The following NPAT variants were observed in gnomAD, a reference collection of about 807,000 sequenced individuals.
NPAT encodes the protein nuclear protein, coactivator of histone transcription, also known as protein NPAT.
In NPAT, 52 loss-of-function variants were observed where a neutral mutation model predicts 130.7. The observed-to-expected ratio is 0.40, with a 90% confidence interval of 0.32 to 0.50. The LOEUF is 0.50. Among genes scored for constraint, NPAT ranks in the 20% least tolerant of loss-of-function variants. NPAT has a pLI of 0.68. For missense variants in NPAT, 1,687 were observed against 1,662.6 expected (o/e 1.01, Z -0.26); for synonymous variants, 580 against 584.8 (o/e 0.99, Z 0.12).
chr11:108,200,539 T>C (rs60358760), intron 1 of NPAT, among the ~76,000 whole-genome samples: 2,069 of 152,224 alleles, frequency 0.014, 57 homozygotes, highest in African/African-American at 0.046. Context: ...AAAGGAAAAT[T>C]GGTGCAGCCA....
intron 15 of NPAT, among the ~76,000 whole-genome samples, chr11:108,166,617 T>C (rs1470213626): frequency 6.6e-6 from 1 of 152,208 alleles, no homozygotes; most frequent in Non-Finnish European, 1.5e-5. Context: ...TGACTTCTGA[T>C]GTTAACATTA....
chr11:108,213,779 G>A (rs1377805285), intron 1 of NPAT, among the ~76,000 whole-genome samples: 1 of 152,142 alleles, frequency 6.6e-6, no homozygotes. Flanking sequence ...TAATCCAGAC[G>A]ATGTACGGGC....
chr11:108,203,696 A>C (rs991037304), intron 1 of NPAT, among the ~76,000 whole-genome samples: 6 of 152,292 alleles, frequency 3.9e-5, no homozygotes, highest in Admixed American at 3.9e-4. Flanking sequence ...CTTAATCCTG[A>C]ACCCCCAAGG....
At chr11:108,194,145 G>C in intron 2 of NPAT, 128 bp from the exon 3 acceptor site, 1 of 624,482 alleles carries the variant, frequency 1.6e-6, no homozygotes, top group Non-Finnish European at 2.9e-6. Context: ...AAAGGGTAAA[G>C]AAGCAGGTAA....
rs12285835 is a variant in NPAT, at chr11:108,166,353, C to T, written c.3010+3391G>A. On this transcript the variant is annotated intron_variant, in intron 15 of 17. Transcript: ENST00000278612. ...GTAGCAGTGAGCTGAGATCATGCCA[C>T]TGCATTCCAGTCTGAGTGACAGAGC... Among the ~76,000 whole-genome samples the T allele has an allele frequency of 7.6e-3, 1,153 of 152,200 alleles. 11 individuals carry two copies. The highest frequency in any genetic ancestry group is 0.025 in the African/African-American group (1,057 of 41,540).
chr11:108,174,148 C>T lies in NPAT; in HGVS notation c.1133-297G>A, dbSNP rs2077982454. Among the ~76,000 whole-genome samples the T allele has an allele frequency of 7.9e-5, 12 of 152,278 alleles. 1 individual carries two copies. The South Asian group carries it at 2.5e-3, about 32-fold the overall frequency. On this transcript the variant is annotated intron_variant, in intron 12 of 17. Coordinates refer to ENST00000278612, the MANE Select transcript of NPAT (RefSeq NM_002519.3). ...TTTCAATAGGTAAAAAACATACTGG[C>T]TCCAAAAATGAAGTTTATTTTGAAA...
chr11:108,206,468 C>T (rs1315223157), intron 1 of NPAT, among the ~76,000 whole-genome samples: 2 of 152,166 alleles, frequency 1.3e-5, no homozygotes, highest in East Asian at 3.9e-4. Flanking sequence ...CGGGCATATC[C>T]AGGCACTGGC....
chr11:108,184,471 C>CA (rs368848598), intron 10 of NPAT, among the ~76,000 whole-genome samples: 24,379 of 140,426 alleles, frequency 0.17, 2,237 homozygotes, highest in African/African-American at 0.24. Flanking sequence ...GACTCCATCT[C>CA]AAAAAAAAAA....
Position 108,186,505 on chromosome 11 carries a change from G to A in NPAT, c.703C>T (p.Pro235Ser). 6.2e-7 allele frequency: 1 copy of A among 1,614,018 alleles called. No homozygotes were observed. The highest frequency in any genetic ancestry group is 8.5e-7 in the Non-Finnish European group (1 of 1,179,964). ...ACTTTTTCTACTGCAAAAGCGTTTGGATCTTGGAAATTCCGTATTGTTGAA... is the reference window on the plus strand; with the variant it reads ...ACTTTTTCTACTGCAAAAGCGTTTGAATCTTGGAAATTCCGTATTGTTGAA... Reference protein sequence around the residue: ...PHSTIRNFQDPNAFAVEKQMV... With the variant: ...PHSTIRNFQDSNAFAVEKQMV... Residue 235 changes from proline (P) to serine (S), a missense_variant, in exon 8 of 18, where the codon CCA becomes TCA. By Grantham distance (74) the Pro-to-Ser change is moderately conservative. Around this residue, in one of 3 missense-constraint regions of NPAT, gnomAD observed 307 missense variants for 298.9 expected, o/e 1.03. Coordinates refer to ENST00000278612, the MANE Select transcript of NPAT (RefSeq NM_002519.3).
chr11:108,171,968 T>C, intron 13 of NPAT: 3 of 542,610 alleles, frequency 5.5e-6, no homozygotes, highest in Non-Finnish European at 9.9e-6. Flanking sequence ...TGAGAAGTAT[T>C]TGTGAAAAGA....
At chr11:108,164,208 G>C (rs149361607) in intron 15 of NPAT, among the ~76,000 whole-genome samples, 2 of 152,308 alleles carry the variant, frequency 1.3e-5, no homozygotes, top group African/African-American at 2.4e-5. Flanking sequence ...TGCAAGACTG[G>C]AATAGTTTGA....
chr11:108,169,891 A>G (rs2077934409), intron 14 of NPAT, 37 bp downstream of exon 14: 1 of 1,609,766 alleles, frequency 6.2e-7, no homozygotes, highest in Non-Finnish European at 8.5e-7. Flanking sequence ...TAAGCTTGAA[A>G]AGCATCACCA....
chr11:108,184,049 C>G (rs951142116), intron 10 of NPAT, among the ~76,000 whole-genome samples: 5 of 152,090 alleles, frequency 3.3e-5, no homozygotes, highest in African/African-American at 1.2e-4. Context: ...TCCTCCCTTA[C>G]TAGCTCACTC....
At chr11:108,165,500 T>C (rs979790395) in intron 15 of NPAT, among the ~76,000 whole-genome samples, 1 of 149,132 alleles carries the variant, frequency 6.7e-6, no homozygotes, top group Non-Finnish European at 1.5e-5. Context: ...GGTCTTGCTC[T>C]ATTGCCCAGG....
In NPAT at chr11:108,175,384, G is replaced by T. The variant is rs141844669; in HGVS notation, c.1132+862C>A. Among the ~76,000 whole-genome samples the T allele has an allele frequency of 2.8e-3, 420 of 152,288 alleles. 1 individual carries two copies. The highest frequency in any genetic ancestry group is 9.7e-3 in the African/African-American group (402 of 41,564). On this transcript the variant is annotated intron_variant, in intron 12 of 17. Transcript: ENST00000278612. ...GGGGACTACTCTAATTCTGTTAAAT[G>T]TGACACTTGCTGCTGAGTACAGAGC...
intron 1 of NPAT, among the ~76,000 whole-genome samples, chr11:108,213,907 A>C (rs2078408309): frequency 6.6e-6 from 1 of 152,084 alleles, no homozygotes; most frequent in Admixed American, 6.5e-5. Context: ...TTTTTTTCAG[A>C]GACAGAGTCT....
chr11:108,218,647 A>C (rs2078456485), intron 1 of NPAT, among the ~76,000 whole-genome samples: 1 of 152,218 alleles, frequency 6.6e-6, no homozygotes, highest in South Asian at 2.1e-4. Flanking sequence ...GAGCTGACTC[A>C]CTTCATGGGA....
At chr11:108,180,345 CATAATAT>C (rs2078047817) in intron 10 of NPAT, among the ~76,000 whole-genome samples, 1 of 152,098 alleles carries the variant, frequency 6.6e-6, no homozygotes, top group Non-Finnish European at 1.5e-5. Context: ...ATGTAAGTCA[CATAATAT>C]ATAAGAATTC....
In NPAT at chr11:108,161,565, T is replaced by C. The variant is rs1267574782; in HGVS notation, c.3521A>G (p.Asp1174Gly). 3.7e-6 allele frequency: 6 copies of C among 1,614,112 alleles called. No homozygotes were observed. In the Admixed American group the frequency reaches 1.0e-4, roughly 27 times the overall value. ...TANKENELCS[D>G]VERQKNPENS... The stretch of plus-strand genomic sequence containing the variant: ...TTCTGGATTTTTCTGTCTTTCTACA[T>C]CGCTGCATAATTCATTCTCCTTATT... The change falls in exon 17 of 18, where the codon GAT becomes GGT. Residue 1174 changes from aspartate (D) to glycine (G), a missense_variant. By Grantham distance (94) the Asp-to-Gly change is moderately conservative (BLOSUM62 -1). Transcript: ENST00000278612.
Sources: gnomAD v4.1 joint callset for allele counts (sites outside exome capture counted in the v4.1 genomes callset) on GRCh38, gnomAD v4.1.1 for gene constraint, gnomAD v4.1.1 regional missense constraint, MANE v1.5 for transcripts, NCBI Gene and HGNC (gene_info 2026-07-23, HGNC 2026-07-21) for gene names.